The following SHTN1 variants were observed in gnomAD, a reference collection of about 807,000 sequenced individuals.
SHTN1 encodes the protein shootin 1, also known as shootin-1.
SHTN1 carries 42 observed loss-of-function variants against 83.1 expected under a neutral mutation model. The ratio of observed to expected loss-of-function variants is 0.51; its 90% CI spans 0.39 to 0.65. SHTN1 has a LOEUF of 0.65. SHTN1 is among the 30% of genes least tolerant of loss of function. SHTN1 has a pLI of 0.00. For missense variants in SHTN1, 622 were observed against 737.8 expected (o/e 0.84, Z 1.82); for synonymous variants, 224 against 247.7 (o/e 0.90, Z 0.90).
At chr10:117,100,321 C>G (rs1853571762) in intron 1 of SHTN1, among the ~76,000 whole-genome samples, 1 of 152,158 alleles carries the variant, frequency 6.6e-6, no homozygotes, top group Non-Finnish European at 1.5e-5. Flanking sequence ...GATGTGTTTT[C>G]TGTGGCTGCT....
chr10:117,073,877 C>T (rs542000241), intron 1 of SHTN1, among the ~76,000 whole-genome samples: 1 of 152,120 alleles, frequency 6.6e-6, no homozygotes, highest in African/African-American at 2.4e-5. Context: ...GGATTAGTAC[C>T]CCCTAGGCAC....
chr10:117,009,255 C>G (rs1369391223), upstream of SHTN1, among the ~76,000 whole-genome samples: 1 of 151,850 alleles, frequency 6.6e-6, no homozygotes, highest in African/African-American at 2.4e-5. Flanking sequence ...AAATGAAGAG[C>G]AAAAGAGCTA....
chr10:117,031,817 A>G (rs1852419543), intron 2 of SHTN1, among the ~76,000 whole-genome samples: 1 of 152,224 alleles, frequency 6.6e-6, no homozygotes, highest in South Asian at 2.1e-4. Context: ...CACTAAAAGG[A>G]AGAAAGGAAG....
chr10:116,969,917 A>G (rs994564920), intron 2 of SHTN1, among the ~76,000 whole-genome samples: 7 of 152,232 alleles, frequency 4.6e-5, no homozygotes, highest in African/African-American at 1.4e-4. Context: ...TTTTAAATGT[A>G]TTATCTTGGG....
chr10:117,104,555 G>C (rs893776902), intron 1 of SHTN1, among the ~76,000 whole-genome samples: 14 of 152,156 alleles, frequency 9.2e-5, no homozygotes, highest in African/African-American at 3.4e-4. Flanking sequence ...CGGATCACGA[G>C]GTCAGGAAAT....
intron 1 of SHTN1, among the ~76,000 whole-genome samples, chr10:116,982,911 C>T (rs1467169299): frequency 6.6e-6 from 1 of 151,080 alleles, no homozygotes; most frequent in Non-Finnish European, 1.5e-5. Flanking sequence ...TGCAGTGAGC[C>T]GAGATCATAC....
At chr10:117,077,099 T>A (rs1853169294) in intron 1 of SHTN1, among the ~76,000 whole-genome samples, 1 of 152,158 alleles carries the variant, frequency 6.6e-6, no homozygotes, top group Non-Finnish European at 1.5e-5. Flanking sequence ...TAAGAAGAAA[T>A]GTGCAATCAA....
At chr10:117,090,052 T>A (rs942739646) in intron 1 of SHTN1, among the ~76,000 whole-genome samples, 2 of 152,210 alleles carry the variant, frequency 1.3e-5, no homozygotes, top group Non-Finnish European at 2.9e-5. Flanking sequence ...ATATCACTTC[T>A]GGGTATAAAT....
chr10:117,027,466 T>C (rs191089696), intron 2 of SHTN1, among the ~76,000 whole-genome samples: 99 of 144,886 alleles, frequency 6.8e-4, no homozygotes, highest in African/African-American at 2.6e-3. Flanking sequence ...CAAGCAATCC[T>C]TTTTTTTTAA....
In SHTN1 at chr10:116,938,943, C is replaced by T. The variant is rs144039119; in HGVS notation, c.858+1523G>A. ...AGTGGGCTCGGCCCAGTCCGAACTT[C>T]CTGGTGGCTTTGTTTACACTGTGAG... On this transcript the variant is annotated intron_variant, in intron 9 of 16. Coordinates refer to ENST00000355371, the MANE Select transcript of SHTN1 (RefSeq NM_001127211.3). Among the ~76,000 whole-genome samples, 1,506 of 152,338 alleles carry T rather than the reference C, an allele frequency of 9.9e-3. 20 individuals carry two copies. The highest frequency in any genetic ancestry group is 0.024 in the South Asian group (117 of 4,830).
At chr10:116,935,662 G>A in intron 9 of SHTN1, among the ~76,000 whole-genome samples, 1 of 152,140 alleles carries the variant, frequency 6.6e-6, no homozygotes, top group East Asian at 1.9e-4. Flanking sequence ...TTTGGTATCA[G>A]GATGATGCTG....
upstream of SHTN1, among the ~76,000 whole-genome samples, chr10:117,008,057 T>C (rs796276893): frequency 1.7e-4 from 26 of 152,058 alleles, no homozygotes; most frequent in African/African-American, 6.0e-4. Flanking sequence ...CACGTTGGAG[T>C]TACTATTGAC....
chr10:116,941,167 C>T (rs1014426152), intron 8 of SHTN1, among the ~76,000 whole-genome samples: 1 of 152,166 alleles, frequency 6.6e-6, no homozygotes, highest in African/African-American at 2.4e-5. Flanking sequence ...CCCAAGAACA[C>T]ACGTAAGTGA....
intron 1 of SHTN1, among the ~76,000 whole-genome samples, chr10:117,097,693 CT>C (rs1441237849): frequency 2.0e-5 from 3 of 152,186 alleles, no homozygotes; most frequent in Admixed American, 2.0e-4. Flanking sequence ...CCAGTTTACA[CT>C]TTAATCTCCA....
chr10:116,883,080 C>T lies in SHTN1; in HGVS notation c.*3264G>A, dbSNP rs1847067680. ...CAGAGCAAAAATGTACAATGAATAA[C>T]AAAATAACTAAATTAAATTAACCAA... On this transcript the variant is annotated 3_prime_UTR_variant, in exon 17 of 17. Transcript: ENST00000355371. 1 of 151,488 alleles carries T rather than the reference C, an allele frequency of 6.6e-6. No homozygotes were observed. The highest frequency in any genetic ancestry group is 2.4e-5 in the African/African-American group (1 of 41,170). 9.4% of individuals were successfully genotyped at this position (151,488 alleles called of 1,614,324 possible).
At chr10:116,929,280 G>A (rs541409034) in intron 10 of SHTN1, among the ~76,000 whole-genome samples, 17 of 152,240 alleles carry the variant, frequency 1.1e-4, no homozygotes, top group African/African-American at 3.9e-4. Context: ...TTCCCGTTAA[G>A]CCTTCTAGAA....
intron 3 of SHTN1, among the ~76,000 whole-genome samples, chr10:116,962,975 T>C (rs935585100): frequency 1.0e-4 from 15 of 144,992 alleles, no homozygotes; most frequent in African/African-American, 3.8e-4. Flanking sequence ...TCAAGTCACA[T>C]GACGCAAAAC....
intron 2 of SHTN1, among the ~76,000 whole-genome samples, chr10:117,010,766 G>A (rs1852091880): frequency 6.6e-6 from 1 of 152,200 alleles, no homozygotes; most frequent in East Asian, 1.9e-4. Context: ...GAATGCAAAA[G>A]TGGTTCAACA....
intron 11 of SHTN1, among the ~76,000 whole-genome samples, chr10:116,927,191 T>C (rs1848772754): frequency 2.0e-5 from 3 of 152,242 alleles, no homozygotes; most frequent in Admixed American, 2.0e-4. Flanking sequence ...TTTTCAAATT[T>C]GAATTAGCAA....
Sources: gnomAD v4.1 joint callset for allele counts (sites outside exome capture counted in the v4.1 genomes callset) on GRCh38, gnomAD v4.1.1 for gene constraint, MANE v1.5 for transcripts, NCBI Gene and HGNC (gene_info 2026-07-23, HGNC 2026-07-21) for gene names.